The following CADPS2 variants were observed in gnomAD, a reference collection of about 807,000 sequenced individuals.
CADPS2 encodes calcium-dependent secretion activator 2.
A neutral mutation model predicts 172.5 loss-of-function variants in CADPS2; 93 were observed. The observed-to-expected ratio is 0.54, with a 90% CI of 0.46 to 0.64. CADPS2 has a LOEUF of 0.64. Among genes scored for constraint, CADPS2 ranks in the 30% least tolerant of loss-of-function variants. The pLI, the probability that CADPS2 is intolerant of heterozygous loss-of-function variation, is 0.00. For synonymous variants in CADPS2, 546 were observed against 555.2 expected, an observed-to-expected ratio of 0.98 and a Z score of 0.23; for missense variants, 1,420 against 1,565.9, an observed-to-expected ratio of 0.91 and a Z score of 1.57.
chr7:122,728,599 GTTC>G (rs1163543538), intron 2 of CADPS2, among the ~76,000 whole-genome samples: 1 of 151,702 alleles, frequency 6.6e-6, no homozygotes, highest in Non-Finnish European at 1.5e-5. Flanking sequence ...TCCTTTATTT[GTTC>G]TTTACAGTTT....
chr7:122,580,257 C>G (rs368540236), intron 7 of CADPS2, among the ~76,000 whole-genome samples: 3 of 151,960 alleles, frequency 2.0e-5, no homozygotes, highest in East Asian at 3.9e-4. Flanking sequence ...GAGTTCAAGA[C>G]AAGCCTGGCC....
chr7:122,459,190 T>G (rs2152086228), intron 14 of CADPS2, among the ~76,000 whole-genome samples: 1 of 151,960 alleles, frequency 6.6e-6, no homozygotes, highest in Non-Finnish European at 1.5e-5. Flanking sequence ...AAAATATAAT[T>G]TAAATATTCT....
intron 2 of CADPS2, among the ~76,000 whole-genome samples, chr7:122,714,448 A>T (rs983419946): frequency 6.6e-6 from 1 of 152,092 alleles, no homozygotes; most frequent in Non-Finnish European, 1.5e-5. Context: ...TCTTTGGTAA[A>T]CAACTTCTTT....
chr7:122,868,110 TC>T (rs1818769175), intron 1 of CADPS2, among the ~76,000 whole-genome samples: 1 of 152,022 alleles, frequency 6.6e-6, no homozygotes, highest in Non-Finnish European at 1.5e-5. Flanking sequence ...CTGCAGACTC[TC>T]CCTGGAAGTA....
chr7:122,808,598 T>C (rs182253883), intron 1 of CADPS2, among the ~76,000 whole-genome samples: 4 of 152,306 alleles, frequency 2.6e-5, no homozygotes, highest in East Asian at 3.9e-4. Context: ...CTACTTCTTA[T>C]ACATAAATTG....
At chr7:122,677,795 A>G (rs1391082021) in intron 2 of CADPS2, among the ~76,000 whole-genome samples, 1 of 152,174 alleles carries the variant, frequency 6.6e-6, no homozygotes, top group African/African-American at 2.4e-5. Flanking sequence ...CAAGTTCAGC[A>G]ATTTATCAAT....
At chr7:122,418,517 A>G (rs546341373) in intron 17 of CADPS2, among the ~76,000 whole-genome samples, 1 of 152,330 alleles carries the variant, frequency 6.6e-6, no homozygotes, top group South Asian at 2.1e-4. Flanking sequence ...GAATAAATTA[A>G]TTTTAGGAAA....
Position 122,531,939 on chromosome 7 carries a change from G to A in CADPS2, c.1476-18624C>T, listed in dbSNP as rs1210489835. 2.0e-5 allele frequency among the ~76,000 whole-genome samples: 3 copies of A among 151,852 alleles called. 1 individual carries two copies. Among genetic ancestry groups the A allele is most frequent in the Non-Finnish European group, 4.4e-5 (3 of 67,996 alleles). ...CCAGCTGCTCAGGAGGTTGAGGCAG[G>A]AGAATTGCTTGAGCCCAGGAGGCGG... On this transcript the variant is annotated intron_variant, in intron 8 of 29. Coordinates refer to ENST00000449022, the MANE Select transcript of CADPS2 (RefSeq NM_017954.11).
intron 1 of CADPS2, among the ~76,000 whole-genome samples, chr7:122,813,365 C>G (rs17144940): frequency 0.2 from 30,159 of 151,958 alleles, 3,111 homozygotes; most frequent in Middle Eastern, 0.3. Context: ...GAACAACCTA[C>G]AGTAATTATA....
chr7:122,767,790 T>C (rs1248514471), intron 1 of CADPS2, among the ~76,000 whole-genome samples: 2 of 152,166 alleles, frequency 1.3e-5, no homozygotes, highest in Non-Finnish European at 1.5e-5. Context: ...TTTTCAGTCA[T>C]GCATTAGGTT....
intron 25 of CADPS2, among the ~76,000 whole-genome samples, chr7:122,375,124 A>G (rs2042196436): frequency 6.6e-6 from 1 of 152,172 alleles, no homozygotes; most frequent in Admixed American, 6.5e-5. Flanking sequence ...TACTACTTAA[A>G]GTGATCTACA....
chr7:122,469,263 A>G (rs2055575659), intron 14 of CADPS2, among the ~76,000 whole-genome samples: 1 of 152,174 alleles, frequency 6.6e-6, no homozygotes, highest in Admixed American at 6.5e-5. Context: ...TTTCCACCTT[A>G]GGTTCCCAAT....
intron 1 of CADPS2, among the ~76,000 whole-genome samples, chr7:122,793,983 T>C: frequency 6.6e-6 from 1 of 152,202 alleles, no homozygotes. Context: ...GTAGGGTTTC[T>C]GCTGAGAGGT....
intron 1 of CADPS2, among the ~76,000 whole-genome samples, chr7:122,858,906 G>A (rs1816121389): frequency 6.6e-6 from 1 of 152,164 alleles, no homozygotes; most frequent in South Asian, 2.1e-4. Flanking sequence ...CCAGTAAAAT[G>A]TTAATATGCA....
At chr7:122,720,636 A>T (rs1042821213) in intron 2 of CADPS2, among the ~76,000 whole-genome samples, 9 of 151,744 alleles carry the variant, frequency 5.9e-5, no homozygotes, top group African/African-American at 2.2e-4. Flanking sequence ...ACGTATGTGT[A>T]TACACACAGA....
chr7:122,337,534 T>C (rs1222682187), intron 28 of CADPS2, among the ~76,000 whole-genome samples: 10 of 152,206 alleles, frequency 6.6e-5, no homozygotes, highest in African/African-American at 2.4e-4. Context: ...TCTCAGGTTT[T>C]AATTCACCAA....
chr7:122,698,972 A>T (rs992231940), intron 2 of CADPS2: 61 of 1,232,688 alleles, frequency 4.9e-5, no homozygotes, highest in Non-Finnish European at 6.3e-5. Flanking sequence ...ACATCTGTTG[A>T]CAATTAATTT....
At chr7:122,522,276 A>G (rs2060865376) in intron 8 of CADPS2, among the ~76,000 whole-genome samples, 2 of 152,008 alleles carry the variant, frequency 1.3e-5, no homozygotes, top group South Asian at 4.2e-4. Flanking sequence ...CACCATACCC[A>G]GCTAATTTTT....
At chr7:122,800,991 CAAAAA>C (rs34506571) in intron 1 of CADPS2, among the ~76,000 whole-genome samples, 1 of 63,042 alleles carries the variant, frequency 1.6e-5, no homozygotes. Context: ...GACTCTGCCT[CAAAAA>C]AAAAAAAAAA....
Sources: allele counts gnomAD v4.1 joint callset (sites outside exome capture counted in the v4.1 genomes callset), GRCh38; gene constraint gnomAD v4.1.1; transcripts MANE v1.5; gene names NCBI Gene and HGNC (gene_info 2026-07-23, HGNC 2026-07-21).